ROBO2: variants seen among roughly 807,000 people sequenced by gnomAD.
ROBO2 encodes roundabout homolog 2.
A neutral mutation model predicts 160.8 loss-of-function variants in ROBO2; 53 were observed. The observed-to-expected ratio is 0.33, with a 90% CI of 0.26 to 0.41. The LOEUF (loss-of-function observed/expected upper bound fraction) is 0.41. Ranked by LOEUF, ROBO2 falls within the 10% of genes least tolerant of loss-of-function variation. ROBO2 has a pLI of 1.00. For synonymous variants in ROBO2, 664 were observed against 611.7 expected (o/e 1.09, Z -1.26); for missense variants, 1,577 against 1,722.4 (o/e 0.92, Z 1.49).
At chr3:76,440,145 G>A (rs1232705256) in intron 2 of ROBO2, among the ~76,000 whole-genome samples, 2 of 152,090 alleles carry the variant, frequency 1.3e-5, no homozygotes, top group African/African-American at 4.8e-5. Flanking sequence ...AAATGATGTG[G>A]GGGGAAAGCG....
intron 2 of ROBO2, among the ~76,000 whole-genome samples, chr3:77,153,342 A>C (rs191414034): frequency 2.3e-4 from 35 of 152,180 alleles, no homozygotes; most frequent in African/African-American, 7.7e-4. Context: ...CTTTCTTAGA[A>C]TATGTTCCAT....
chr3:76,935,022 T>C (rs1037630804), intron 2 of ROBO2, among the ~76,000 whole-genome samples: 2 of 151,614 alleles, frequency 1.3e-5, no homozygotes, highest in South Asian at 2.1e-4. Context: ...GTCTGATAAC[T>C]GCTCACTGCA....
At chr3:76,477,206 A>T (rs1401550330) in intron 2 of ROBO2, among the ~76,000 whole-genome samples, 1 of 152,172 alleles carries the variant, frequency 6.6e-6, no homozygotes, top group African/African-American at 2.4e-5. Flanking sequence ...ATAACTATGA[A>T]CCAACACCTC....
chr3:76,406,547 T>C (rs1213319022), intron 2 of ROBO2, among the ~76,000 whole-genome samples: 1 of 151,716 alleles, frequency 6.6e-6, no homozygotes, highest in East Asian at 1.9e-4. Context: ...TGGTTACACT[T>C]CTTCAAGGTG....
chr3:77,597,481 G>T (rs1378652984), intron 19 of ROBO2, among the ~76,000 whole-genome samples: 2 of 152,042 alleles, frequency 1.3e-5, no homozygotes, highest in Non-Finnish European at 2.9e-5. Flanking sequence ...ATAGGAGAGA[G>T]CTGGGTTTAG....
At chr3:76,799,258 T>A (rs1349950457) in intron 2 of ROBO2, among the ~76,000 whole-genome samples, 2 of 151,566 alleles carry the variant, frequency 1.3e-5, no homozygotes, top group Admixed American at 1.3e-4. Flanking sequence ...TATAACAGAC[T>A]CATAGCTGGT....
intron 2 of ROBO2, among the ~76,000 whole-genome samples, chr3:76,446,014 A>G (rs1476675981): frequency 2.0e-5 from 3 of 152,154 alleles, no homozygotes; most frequent in Non-Finnish European, 2.9e-5. Flanking sequence ...ACTCCTATTC[A>G]ACATAGTGTT....
intron 24 of ROBO2, among the ~76,000 whole-genome samples, chr3:77,641,795 A>C (rs1308404245): frequency 6.6e-6 from 1 of 152,300 alleles, no homozygotes; most frequent in East Asian, 1.9e-4. Context: ...GTGATTTCAC[A>C]GTCGAAGGCA....
chr3:76,841,623 G>C (rs1294222383), intron 2 of ROBO2, among the ~76,000 whole-genome samples: 2 of 152,068 alleles, frequency 1.3e-5, no homozygotes, highest in African/African-American at 4.8e-5. Flanking sequence ...AAAGATAAAT[G>C]GTTAGCTTTA....
chr3:76,389,458 C>T (rs982978927), intron 2 of ROBO2, among the ~76,000 whole-genome samples: 2 of 152,168 alleles, frequency 1.3e-5, no homozygotes, highest in African/African-American at 4.8e-5. Context: ...AATTTGTTAG[C>T]TATGAACAGG....
intron 2 of ROBO2, among the ~76,000 whole-genome samples, chr3:76,092,849 C>T (rs973521916): frequency 1.3e-5 from 2 of 152,138 alleles, no homozygotes; most frequent in Admixed American, 1.3e-4. Context: ...TTCAGTGACT[C>T]AGTCAACCTT....
At chr3:76,998,599 G>A (rs867090593) in intron 2 of ROBO2, among the ~76,000 whole-genome samples, 38 of 152,068 alleles carry the variant, frequency 2.5e-4, no homozygotes, top group Non-Finnish European at 3.7e-4. Flanking sequence ...ATAACATACC[G>A]TGTGTAATAG....
chr3:76,592,625 T>A (rs1182595370), intron 2 of ROBO2, among the ~76,000 whole-genome samples: 1 of 152,082 alleles, frequency 6.6e-6, no homozygotes, highest in African/African-American at 2.4e-5. Flanking sequence ...TGTCACTGGG[T>A]AACAAATTAC....
At chr3:76,677,002 GA>G (rs2106816604) in intron 2 of ROBO2, among the ~76,000 whole-genome samples, 1 of 152,232 alleles carries the variant, frequency 6.6e-6, no homozygotes, top group African/African-American at 2.4e-5. Context: ...CTAATGTTCT[GA>G]AATAGCAGAA....
chr3:76,928,673 C>T (rs967678635), intron 2 of ROBO2, among the ~76,000 whole-genome samples: 46 of 152,198 alleles, frequency 3.0e-4, no homozygotes, highest in African/African-American at 1.0e-3. Context: ...CTCACACTTG[C>T]TTCACTAGGC....
At chr3:77,263,861 T>C (rs1398783428) in intron 2 of ROBO2, among the ~76,000 whole-genome samples, 1 of 152,218 alleles carries the variant, frequency 6.6e-6, no homozygotes, top group Non-Finnish European at 1.5e-5. Flanking sequence ...AATTTGCACA[T>C]GTGCATGCAC....
exon 1 of ROBO2, chr3:77,040,114 T>C: frequency 1.0e-6 from 1 of 984,496 alleles, no homozygotes; most frequent in Non-Finnish European, 1.2e-6. Flanking sequence ...GAGTTCGGAT[T>C]CTCCACCCGA....
intron 2 of ROBO2, among the ~76,000 whole-genome samples, chr3:77,462,014 C>A (rs2082298186): frequency 6.6e-6 from 1 of 152,184 alleles, no homozygotes; most frequent in Non-Finnish European, 1.5e-5. Flanking sequence ...GCGTGAGCCA[C>A]CACGCCTGGC....
At chr3:76,157,607 A>C (rs1202622685) in intron 2 of ROBO2, among the ~76,000 whole-genome samples, 1 of 152,124 alleles carries the variant, frequency 6.6e-6, no homozygotes, top group Non-Finnish European at 1.5e-5. Flanking sequence ...GGGGGGCTGC[A>C]AATGCTTTAG....
Sources: allele counts gnomAD v4.1 joint callset (sites outside exome capture counted in the v4.1 genomes callset), GRCh38; gene constraint gnomAD v4.1.1; transcripts MANE v1.5; gene names NCBI Gene and HGNC (gene_info 2026-07-23, HGNC 2026-07-21).